SIMC1: variants seen among roughly 807,000 people sequenced by gnomAD.
SIMC1 encodes the protein SUMO interacting motifs containing 1, also known as SUMO-interacting motif-containing protein 1.
Under a neutral mutation model 82.3 loss-of-function variants are expected in SIMC1, and 55 were observed. The observed-to-expected ratio is 0.67, with a 90% CI of 0.54 to 0.84. SIMC1 has a LOEUF of 0.84. SIMC1 is among the 40% of genes least tolerant of loss of function. SIMC1 has a pLI of 0.00. For synonymous variants in SIMC1, 353 were observed against 426.3 expected, an observed-to-expected ratio of 0.83 and a Z score of 2.12; for missense variants, 915 against 1,107.2, an observed-to-expected ratio of 0.83 and a Z score of 2.46.
At chr5:176,309,152 G>C in intron 4 of SIMC1, 1 of 608,038 alleles carries the variant, frequency 1.6e-6, no homozygotes, top group South Asian at 2.0e-5. Context: ...AATCAAGATA[G>C]ATGGTATTGG....
chr5:176,326,578 G>C (rs1467819845), intron 7 of SIMC1, among the ~76,000 whole-genome samples: 1 of 141,508 alleles, frequency 7.1e-6, no homozygotes, highest in Admixed American at 7.3e-5. Context: ...TTATTTATTT[G>C]TTTTGAGGCA....
In SIMC1 at chr5:176,327,905, A is replaced by T. The variant is rs77334749; in HGVS notation, c.2171+3148A>T. Among the ~76,000 whole-genome samples, 4 of 152,298 alleles carry T rather than the reference A, an allele frequency of 2.6e-5. No individual in the cohort carries two copies. The East Asian group carries it at 5.8e-4, about 22-fold the overall frequency. ...TACACTGATTAATTTACTCACGTTA[A>T]ACCAACTTTGCATTCCTGGAATAAA... On this transcript the variant is annotated intron_variant, in intron 7 of 9. Transcript: ENST00000429602.
At chr5:176,308,829 C>T in intron 4 of SIMC1, 2 of 1,231,392 alleles carry the variant, frequency 1.6e-6, no homozygotes, top group East Asian at 4.6e-5. Flanking sequence ...CCTTACACAT[C>T]TGGACTCATA....
chr5:176,318,387 G>C (rs746028077), intron 5 of SIMC1, among the ~76,000 whole-genome samples: 1 of 152,160 alleles, frequency 6.6e-6, no homozygotes, highest in Non-Finnish European at 1.5e-5. Flanking sequence ...TCTTGCCTCA[G>C]TTGGTCTCAA....
chr5:176,269,902 C>T (rs547342964), intron 1 of SIMC1, among the ~76,000 whole-genome samples: 201 of 152,156 alleles, frequency 1.3e-3, no homozygotes, highest in African/African-American at 4.6e-3. Flanking sequence ...TACACCACCA[C>T]GCCCAGCAAG....
intron 1 of SIMC1, among the ~76,000 whole-genome samples, chr5:176,265,157 G>A (rs1318469560): frequency 6.6e-6 from 1 of 152,060 alleles, no homozygotes; most frequent in African/African-American, 2.4e-5. Flanking sequence ...AACCCTCCTA[G>A]GACCTAATTG....
At chr5:176,291,330 A>ATTTTTT (rs70991527) in intron 2 of SIMC1, among the ~76,000 whole-genome samples, 2 of 71,608 alleles carry the variant, frequency 2.8e-5, no homozygotes, top group African/African-American at 5.8e-5. Flanking sequence ...TGCCCGGCTA[A>ATTTTTT]TTTTTTTTTT....
chr5:176,254,082 A>G (rs1039973431), intron 1 of SIMC1, among the ~76,000 whole-genome samples: 3 of 152,208 alleles, frequency 2.0e-5, no homozygotes, highest in Non-Finnish European at 4.4e-5. Flanking sequence ...AATAGATAAT[A>G]TAGACCAATT....
At chr5:176,260,994 GTTCT>G (rs1320041705) in intron 1 of SIMC1, 1 of 152,108 alleles carries the variant, frequency 6.6e-6, no homozygotes, top group African/African-American at 2.4e-5. Context: ...CAGTAGTAAC[GTTCT>G]TTGTTTTTTT....
chr5:176,293,775 A>G (rs1449764303), intron 2 of SIMC1, among the ~76,000 whole-genome samples: 1 of 151,978 alleles, frequency 6.6e-6, no homozygotes, highest in Non-Finnish European at 1.5e-5. Context: ...TAAGAGCTCC[A>G]AATTTATTGT....
intron 1 of SIMC1, among the ~76,000 whole-genome samples, chr5:176,242,261 A>G (rs1250842316): frequency 6.6e-6 from 1 of 152,006 alleles, no homozygotes; most frequent in African/African-American, 2.4e-5. Context: ...GTTGTGATAC[A>G]AATTAAAAAG....
At chr5:176,325,512 C>T (rs1287510374) in intron 7 of SIMC1, among the ~76,000 whole-genome samples, 2 of 151,974 alleles carry the variant, frequency 1.3e-5, no homozygotes, top group African/African-American at 4.8e-5. Flanking sequence ...GATGAAACCC[C>T]GTCTCTACTA....
At chr5:176,287,043 A>G (rs1763321667) in intron 1 of SIMC1, among the ~76,000 whole-genome samples, 1 of 152,264 alleles carries the variant, frequency 6.6e-6, no homozygotes, top group African/African-American at 2.4e-5. Context: ...ACTGTAAACT[A>G]GTTCAACCAT....
intron 4 of SIMC1, among the ~76,000 whole-genome samples, chr5:176,297,228 T>C (rs985767331): frequency 7.2e-5 from 11 of 152,104 alleles, no homozygotes; most frequent in East Asian, 1.9e-4. Context: ...AGGCCAGGCG[T>C]GGTGGCTCAT....
rs1763339280 is a variant in SIMC1 at position 176,287,431 on chromosome 5, A to G, written c.130-2223A>G. 2.6e-5 allele frequency among the ~76,000 whole-genome samples: 4 copies of G among 152,204 alleles called. No homozygotes were observed. The South Asian group carries it at 8.3e-4, about 31-fold the overall frequency. On this transcript the variant is annotated intron_variant, in intron 1 of 9. Coordinates refer to ENST00000429602, the MANE Select transcript of SIMC1 (RefSeq NM_001308195.2). ...ACTCATAGGTGGGAATTGAACAATG[A>G]GAACACTTGGACACAGGAAGGGCAA... is the stretch of plus-strand genomic sequence containing the variant.
intron 2 of SIMC1, among the ~76,000 whole-genome samples, chr5:176,293,106 A>G (rs1763653778): frequency 6.6e-6 from 1 of 152,008 alleles, no homozygotes; most frequent in South Asian, 2.1e-4. Flanking sequence ...AATAGTATGT[A>G]TTTCCTAAGA....
rs1422904637 is a variant in SIMC1, at chr5:176,313,341, T to TTTG, written c.1735-349_1735-348insTGT. On this transcript the variant is annotated intron_variant, in intron 4 of 9. Transcript: ENST00000429602. Reference sequence around the variant, plus strand: ...GAGATTGACTTCCCATGGCTGCCTCTTAAATCAAATGATCTACAATCCTAG... The same window carrying TTTG: ...GAGATTGACTTCCCATGGCTGCCTCTTTGTAAATCAAATGATCTACAATCCTAG... 5 of 1,488,344 alleles carry TTTG rather than the reference T, an allele frequency of 3.4e-6. No individual in the cohort carries two copies. The African/African-American group carries it at 7.1e-5, about 21-fold the overall frequency. The allele number at this position is 1,488,344 out of a possible 1,614,324, so 92.2% of individuals were successfully genotyped here.
chr5:176,333,951 GT>G (rs534001214), intron 7 of SIMC1, among the ~76,000 whole-genome samples: 134 of 136,686 alleles, frequency 9.8e-4, no homozygotes, highest in African/African-American at 1.1e-3. Flanking sequence ...TCTATTATTG[GT>G]TTTTTTTTTT....
intron 1 of SIMC1, among the ~76,000 whole-genome samples, chr5:176,253,212 T>C (rs1431095183): frequency 1.3e-5 from 2 of 152,134 alleles, no homozygotes; most frequent in Non-Finnish European, 2.9e-5. Flanking sequence ...CTCTTCTGGT[T>C]TGTAGGGTTT....
Sources: gnomAD v4.1 joint callset for allele counts (sites outside exome capture counted in the v4.1 genomes callset) on GRCh38, gnomAD v4.1.1 for gene constraint, MANE v1.5 for transcripts, NCBI Gene and HGNC (gene_info 2026-07-23, HGNC 2026-07-21) for gene names.